Variants in ASXL3 observed in about 807,000 individuals in gnomAD.
ASXL3 encodes the protein putative Polycomb group protein ASXL3.
ASXL3 carries 34 observed loss-of-function variants against 170.6 expected under a neutral mutation model. The observed-to-expected ratio is 0.20, with a 90% confidence interval of 0.15 to 0.27. ASXL3 has a LOEUF of 0.27. ASXL3 is among the 10% of genes least tolerant of loss of function. ASXL3 has a pLI of 1.00. For missense variants in ASXL3, 2,592 were observed against 2,695.3 expected (o/e 0.96, Z 0.85); for synonymous variants, 1,002 against 989.1 (o/e 1.01, Z -0.24).
intron 2 of ASXL3, among the ~76,000 whole-genome samples, chr18:33,636,950 G>C (rs556424308): frequency 6.6e-6 from 1 of 152,058 alleles, no homozygotes; most frequent in South Asian, 2.1e-4. Context: ...CAAATTTTCA[G>C]ATTTGGGCTA....
intron 1 of ASXL3, among the ~76,000 whole-genome samples, chr18:33,584,136 G>A (rs1159563763): frequency 6.6e-6 from 1 of 152,136 alleles, no homozygotes. Flanking sequence ...TGAAATATGA[G>A]TAAGTTTAAG....
At chr18:33,662,126 T>C (rs2066183820) in intron 5 of ASXL3, among the ~76,000 whole-genome samples, 1 of 152,338 alleles carries the variant, frequency 6.6e-6, no homozygotes, top group South Asian at 2.1e-4. Context: ...TATTTCTTGT[T>C]ACTGAGATAC....
intron 8 of ASXL3, among the ~76,000 whole-genome samples, chr18:33,698,315 C>T (rs1004520623): frequency 2.6e-5 from 4 of 152,140 alleles, no homozygotes; most frequent in Non-Finnish European, 5.9e-5. Flanking sequence ...GATCTTGGAT[C>T]TCACAGCCCC....
At chr18:33,736,287 C>T (rs1475368782) in intron 10 of ASXL3, among the ~76,000 whole-genome samples, 2 of 152,086 alleles carry the variant, frequency 1.3e-5, no homozygotes, top group African/African-American at 4.8e-5. Context: ...TATAAATAAA[C>T]ATGACCCCCT....
chr18:33,731,850 C>A (rs1389450868), intron 8 of ASXL3, 118 bp from the exon 9 acceptor site: 1 of 657,746 alleles, frequency 1.5e-6, no homozygotes, highest in Admixed American at 3.0e-5. Context: ...TCTCCTTCCC[C>A]CTTCCTCCTC....
At chr18:33,631,118 C>G (rs528776053) in intron 2 of ASXL3, among the ~76,000 whole-genome samples, 1 of 151,852 alleles carries the variant, frequency 6.6e-6, no homozygotes, top group Non-Finnish European at 1.5e-5. Flanking sequence ...ATATGAAAAA[C>G]AAAACATTAA....
At chr18:33,585,933 T>G (rs767177437) in intron 1 of ASXL3, among the ~76,000 whole-genome samples, 18 of 152,210 alleles carry the variant, frequency 1.2e-4, no homozygotes, top group Admixed American at 2.0e-4. Flanking sequence ...ACAATTGGTA[T>G]TTTTGGCAAG....
rs2066347515 is a variant in ASXL3 at position 33,671,824 on chromosome 18, C to A, written c.673C>A (p.Gln225Lys). ...KHGQKSPTGKQTSQHLKRLKK... is the reference protein window; with the variant it reads ...KHGQKSPTGKKTSQHLKRLKK... ...TGGGCAAAAATCTCCCACTGGAAAA[C>A]AAACAAGTCAGCACTTAAAACGATT... Residue 225 changes from glutamine (Q) to lysine (K), a missense_variant, in exon 7 of 12, where the codon CAA (glutamine) becomes AAA (lysine). Physicochemically the swap from Gln to Lys is moderately conservative, Grantham distance 53. This residue lies in a region of ASXL3 where 251 missense variants were observed against 281.9 expected (regional missense o/e 0.89). Transcript: ENST00000269197. The A allele has an allele frequency of 1.9e-6, 3 of 1,610,892 alleles. No homozygotes were observed. In the African/African-American group the frequency reaches 4.0e-5, roughly 22 times the overall value.
intron 1 of ASXL3, among the ~76,000 whole-genome samples, chr18:33,584,163 C>A (rs9962466): frequency 0.19 from 28,138 of 152,014 alleles, 4,905 homozygotes; most frequent in African/African-American, 0.46. Context: ...AAGAGAGAGC[C>A]TTCTAAGAAG....
intron 6 of ASXL3, among the ~76,000 whole-genome samples, chr18:33,671,465 G>C (rs2145255668): frequency 6.6e-6 from 1 of 152,220 alleles, no homozygotes; most frequent in African/African-American, 2.4e-5. Flanking sequence ...GCTTATTCGT[G>C]TATTTTACAA....
Position 33,713,243 on chromosome 18 carries a change from G to GTTT in ASXL3, c.880-18723_880-18721dup, listed in dbSNP as rs1568343444. On this transcript the variant is annotated intron_variant, in intron 8 of 11. Coordinates refer to ENST00000269197, the MANE Select transcript of ASXL3 (RefSeq NM_030632.3). ...ACCACAAGAAGGTTTTTTTTGTTTT[G>GTTT]TTTTGTTTTTTTTTTTTTTTTTTTT... Among the ~76,000 whole-genome samples, 11 of 45,486 alleles carry GTTT rather than the reference G, an allele frequency of 2.4e-4. 1 individual carries two copies. Among genetic ancestry groups the GTTT allele is most frequent in the African/African-American group, 9.4e-4 (10 of 10,656 alleles). 29.8% of individuals were successfully genotyped at this position (45,486 alleles called of 152,430 possible).
intron 8 of ASXL3, among the ~76,000 whole-genome samples, chr18:33,684,522 T>A (rs2066562436): frequency 6.6e-6 from 1 of 152,184 alleles, no homozygotes; most frequent in Non-Finnish European, 1.5e-5. Context: ...TTTATATGTA[T>A]CTCTTTGGTG....
At position 33,744,187 on chromosome 18, in the gene ASXL3, G is replaced by A. The variant is rs761010321; in HGVS notation, c.4339G>A (p.Ala1447Thr). 4.3e-6 allele frequency: 7 copies of A among 1,613,826 alleles called. No homozygotes were observed. In the African/African-American group the frequency reaches 8.0e-5, roughly 18 times the overall value. ...LDKNSGPRNR[A>T]DNSGKPQQPP... ...CAAAAATTCAGGGCCTCGAAACAGG[G>A]CAGATAATTCTGGAAAACCTCAGCA... The change falls in exon 12 of 12, where the codon GCA becomes ACA. Residue 1447 changes from alanine (A) to threonine (T), a missense_variant. Physicochemically the swap from Ala to Thr is moderately conservative, Grantham distance 58. Coordinates refer to ENST00000269197, the MANE Select transcript of ASXL3 (RefSeq NM_030632.3).
intron 2 of ASXL3, among the ~76,000 whole-genome samples, chr18:33,632,503 T>C (rs1432174386): frequency 6.6e-6 from 1 of 152,152 alleles, no homozygotes; most frequent in Non-Finnish European, 1.5e-5. Context: ...AGAACTAAAT[T>C]CATCATATTG....
At chr18:33,618,009 T>C (rs2065454057) in intron 2 of ASXL3, among the ~76,000 whole-genome samples, 1 of 152,180 alleles carries the variant, frequency 6.6e-6, no homozygotes, top group Non-Finnish European at 1.5e-5. Context: ...ATTTTAGTTT[T>C]GCTTCATTGT....
intron 2 of ASXL3, among the ~76,000 whole-genome samples, chr18:33,638,671 A>G (rs565585200): frequency 9.5e-4 from 144 of 152,274 alleles, no homozygotes; most frequent in African/African-American, 3.3e-3. Flanking sequence ...TAGAATTTAG[A>G]TTTCATCTGT....
chr18:33,647,581 CT>C (rs1219308165), intron 4 of ASXL3, among the ~76,000 whole-genome samples: 4 of 151,958 alleles, frequency 2.6e-5, no homozygotes, highest in African/African-American at 9.7e-5. Flanking sequence ...GTGGGGCATA[CT>C]TTTCCCTTTC....
intron 8 of ASXL3, among the ~76,000 whole-genome samples, chr18:33,731,548 T>C (rs1188407058): frequency 6.6e-6 from 1 of 152,202 alleles, no homozygotes; most frequent in Non-Finnish European, 1.5e-5. Context: ...CACATACATA[T>C]ATTCTCCGAG....
chr18:33,732,597 T>G (rs894022431), intron 9 of ASXL3, among the ~76,000 whole-genome samples: 1 of 152,178 alleles, frequency 6.6e-6, no homozygotes, highest in African/African-American at 2.4e-5. Flanking sequence ...CTCACTGGCC[T>G]GTTATCCCAG....
Sources: allele counts gnomAD v4.1 joint callset (sites outside exome capture counted in the v4.1 genomes callset), GRCh38; gene constraint gnomAD v4.1.1; regional missense constraint gnomAD v4.1.1; transcripts MANE v1.5; gene names NCBI Gene and HGNC (gene_info 2026-07-23, HGNC 2026-07-21).